The following ETAA1 variants were observed in gnomAD, a reference collection of about 807,000 sequenced individuals.
ETAA1 encodes the protein ewing's tumor-associated antigen 1.
In ETAA1, 49 loss-of-function variants were observed where a neutral mutation model predicts 76.8. The observed-to-expected ratio is 0.64, with a 90% CI of 0.51 to 0.81. The LOEUF is 0.81. Ranked by LOEUF, ETAA1 falls within the 30% of genes least tolerant of loss-of-function variation. The pLI is 0.00. For missense variants in ETAA1, 1,099 were observed against 1,074.0 expected (o/e 1.02, Z -0.32); for synonymous variants, 373 against 372.2 (o/e 1.00, Z -0.03).
At chr2:67,408,340 G>A (rs1676273819) in intron 5 of ETAA1, among the ~76,000 whole-genome samples, 1 of 152,002 alleles carries the variant, frequency 6.6e-6, no homozygotes, top group Non-Finnish European at 1.5e-5. Flanking sequence ...AAAATTAAAA[G>A]GAGAATAATA....
In ETAA1 at chr2:67,403,849, T is replaced by C. The variant is rs1412977004; in HGVS notation, c.1167T>C (p.Ser389=). ...ATGATTGGGAAAACTTACTAGGTAGTGAACCTTTTGCTATGCAAAATATCG... is the reference window on the plus strand; with the variant it reads ...ATGATTGGGAAAACTTACTAGGTAGCGAACCTTTTGCTATGCAAAATATCG... ...FEDDWENLLG[S]EPFAMQNIDM... The change falls in exon 5 of 6, where the codon AGT becomes AGC. Residue 389 remains serine, a synonymous_variant. Coordinates refer to ENST00000272342, the MANE Select transcript of ETAA1 (RefSeq NM_019002.4). 3.1e-6 allele frequency: 5 copies of C among 1,613,134 alleles called. No individual in the cohort carries two copies. Among genetic ancestry groups the C allele is most frequent in the South Asian group, 1.1e-5 (1 of 91,076 alleles).
In ETAA1 at chr2:67,405,340, G is replaced by A; in HGVS notation, c.2653+5G>A. The A allele has an allele frequency of 6.6e-7, 1 of 1,506,506 alleles. No individual in the cohort carries two copies. Among genetic ancestry groups the A allele is most frequent in the South Asian group, 1.4e-5 (1 of 70,792 alleles). 93.3% of individuals were successfully genotyped at this position (1,506,506 alleles called of 1,614,324 possible). On this transcript the variant is annotated splice_donor_5th_base_variant and intron_variant, in intron 5 of 5. Coordinates refer to ENST00000272342, the MANE Select transcript of ETAA1 (RefSeq NM_019002.4). ...CTTTGAAACAATCTTCAAAAGGTATGTATGAAATATGAAATAGTTTTCTTT... is the reference window on the plus strand; with the variant it reads ...CTTTGAAACAATCTTCAAAAGGTATATATGAAATATGAAATAGTTTTCTTT...
At chr2:67,406,210 A>G (rs13030037) in intron 5 of ETAA1, among the ~76,000 whole-genome samples, 10,353 of 152,158 alleles carry the variant, frequency 0.068, 458 homozygotes, top group Middle Eastern at 0.13. Flanking sequence ...ACTAAGCTTC[A>G]GCTATACCAG....
rs756799051 is a variant in ETAA1 at position 67,403,560 on chromosome 2, G to A, written c.878G>A (p.Cys293Tyr). ...NAIFDGSTQK[C>Y]SGQLSQELPE... ...ATTTTTGATGGTTCTACTCAGAAAT[G>A]TAGCGGACAGTTAAGCCAAGAACTG... is the stretch of plus-strand genomic sequence containing the variant. The change falls in exon 5 of 6, where the codon TGT becomes TAT. Residue 293 changes from cysteine (C) to tyrosine (Y), a missense_variant. This residue lies in a region of ETAA1 where 761 missense variants were observed against 731.9 expected (regional missense o/e 1.04). Coordinates refer to ENST00000272342, the MANE Select transcript of ETAA1 (RefSeq NM_019002.4). The A allele has an allele frequency of 2.5e-6, 4 of 1,613,428 alleles. No homozygotes were observed. The South Asian group carries it at 3.3e-5, about 13-fold the overall frequency.
chr2:67,399,771 C>A, intron 3 of ETAA1, 145 bp downstream of exon 3: 1 of 521,028 alleles, frequency 1.9e-6, no homozygotes, highest in Non-Finnish European at 3.4e-6. Context: ...TTTGCCTTTT[C>A]TACTTTTGAA....
In ETAA1 at chr2:67,404,519, G is replaced by C. The variant is rs766318134; in HGVS notation, c.1837G>C (p.Ala613Pro). Residue 613 changes from alanine (A) to proline (P), a missense_variant, in exon 5 of 6, where the codon GCA becomes CCA. Ala to Pro is a conservative substitution (Grantham distance 27). This residue lies in a region of ETAA1 where 761 missense variants were observed against 731.9 expected (regional missense o/e 1.04). Coordinates refer to ENST00000272342, the MANE Select transcript of ETAA1 (RefSeq NM_019002.4). Reference sequence around the variant, plus strand: ...TGTAGATGATGATTTGTTGTACCAAGCATGTGATGATATTGAAAGACTAAC... The same window carrying C: ...TGTAGATGATGATTTGTTGTACCAACCATGTGATGATATTGAAAGACTAAC... ...DDVDDDLLYQACDDIERLTQQ... is the reference protein window; with the variant it reads ...DDVDDDLLYQPCDDIERLTQQ... 1.9e-6 allele frequency: 3 copies of C among 1,613,352 alleles called. No homozygotes were observed. Among genetic ancestry groups the C allele is most frequent in the South Asian group, 2.2e-5 (2 of 91,066 alleles).
chr2:67,403,825 T>G lies in ETAA1; in HGVS notation c.1143T>G (p.Asp381Glu). ...IDAFTTSDFE[D>E]DWENLLGSEP... ...CATTTACTACAAGTGATTTTGAGGATGATTGGGAAAACTTACTAGGTAGTG... is the reference window on the plus strand; with the variant it reads ...CATTTACTACAAGTGATTTTGAGGAGGATTGGGAAAACTTACTAGGTAGTG... The change falls in exon 5 of 6, where the codon GAT becomes GAG. Residue 381 changes from aspartate to glutamate, a missense_variant. Around this residue, in one of 3 missense-constraint regions of ETAA1, gnomAD observed 761 missense variants for 731.9 expected, o/e 1.04. Transcript: ENST00000272342. 2 of 1,613,328 alleles carry G rather than the reference T, an allele frequency of 1.2e-6. No homozygotes were observed. The highest frequency in any genetic ancestry group is 1.7e-6 in the Non-Finnish European group (2 of 1,179,482).
At chr2:67,402,188 A>G (rs1278932187) in intron 3 of ETAA1, 3 of 151,942 alleles carry the variant, frequency 2.0e-5, no homozygotes, top group Non-Finnish European at 4.4e-5. Flanking sequence ...TGAAAGGTAC[A>G]GCAAAAGTAT....
rs778308852 is a variant in ETAA1 at position 67,403,915 on chromosome 2, T to G, written c.1233T>G (p.Thr411=). ...ELFPSKTAHV[T]DQKEICTFNS... ...TTCCTTCTAAAACAGCCCATGTTAC[T>G]GATCAAAAGGAAATTTGTACCTTTA... Residue 411 remains threonine, a synonymous_variant, in exon 5 of 6, where the codon ACT becomes ACG. Coordinates refer to ENST00000272342, the MANE Select transcript of ETAA1 (RefSeq NM_019002.4). 1 of 1,612,312 alleles carries G rather than the reference T, an allele frequency of 6.2e-7. No homozygotes were observed. Among genetic ancestry groups the G allele is most frequent in the Admixed American group, 1.7e-5 (1 of 59,784 alleles).
chr2:67,404,368 T>C lies in ETAA1; in HGVS notation c.1686T>C (p.Val562=). 4 of 1,613,302 alleles carry C rather than the reference T, an allele frequency of 2.5e-6. No homozygotes were observed. Among genetic ancestry groups the C allele is most frequent in the Non-Finnish European group, 3.4e-6 (4 of 1,179,462 alleles). Residue 562 remains valine (V), a synonymous_variant, in exon 5 of 6, where the codon GTT becomes GTC. Transcript: ENST00000272342. ...GSANLGSKTS[V]SNPNQTSASK... ...CAAATCTAGGCAGTAAAACCAGTGT[T>C]AGTAACCCAAATCAGACTAGTGCAT... is the stretch of plus-strand genomic sequence containing the variant.
At chr2:67,409,822 T>C in intron 5 of ETAA1, 89 bp from the exon 6 acceptor site, 1 of 1,197,544 alleles carries the variant, frequency 8.4e-7, no homozygotes, top group Non-Finnish European at 1.2e-6. Flanking sequence ...ATGGCAAATC[T>C]GGGTGATTAA....
At position 67,403,354 on chromosome 2, in the gene ETAA1, A is replaced by C. The variant is rs767863346; in HGVS notation, c.672A>C (p.Glu224Asp). The change falls in exon 5 of 6, where the codon GAA becomes GAC. Residue 224 changes from glutamate to aspartate, a missense_variant. Coordinates refer to ENST00000272342, the MANE Select transcript of ETAA1 (RefSeq NM_019002.4). Reference protein sequence around the residue: ...RNYDFTQMISETEILSNYKDN... With the variant: ...RNYDFTQMISDTEILSNYKDN... Reference sequence around the variant, plus strand: ...ATGATTTTACCCAGATGATTTCAGAAACAGAGATTTTAAGTAATTATAAAG... The same window carrying C: ...ATGATTTTACCCAGATGATTTCAGACACAGAGATTTTAAGTAATTATAAAG... 1 of 1,605,316 alleles carries C rather than the reference A, an allele frequency of 6.2e-7. No homozygotes were observed. The highest frequency in any genetic ancestry group is 8.5e-7 in the Non-Finnish European group (1 of 1,172,930).
intron 3 of ETAA1, chr2:67,401,843 G>A (rs916318315): frequency 6.6e-6 from 1 of 151,820 alleles, no homozygotes; most frequent in Non-Finnish European, 1.5e-5. Flanking sequence ...AAGGCAACTA[G>A]GTTCAAGTTG....
At chr2:67,399,915 C>T (rs200998192) in intron 3 of ETAA1, among the ~76,000 whole-genome samples, 2 of 21,590 alleles carry the variant, frequency 9.3e-5, no homozygotes, top group African/African-American at 2.2e-4. Flanking sequence ...TAACAACATA[C>T]GACATCATTT....
chr2:67,410,489 T>C lies in ETAA1; in HGVS notation c.*451T>C, dbSNP rs984751529. ...CACTTCCAGATTTTAATTAATACTT[T>C]CATATTTCTAGGAACATGGTTGATA... On this transcript the variant is annotated 3_prime_UTR_variant, in exon 6 of 6. Coordinates refer to ENST00000272342, the MANE Select transcript of ETAA1 (RefSeq NM_019002.4). 3.3e-5 allele frequency: 5 copies of C among 152,448 alleles called. No homozygotes were observed. Among genetic ancestry groups the C allele is most frequent in the South Asian group, 4.1e-4 (2 of 4,848 alleles). 9.4% of individuals were successfully genotyped at this position (152,448 alleles called of 1,614,324 possible).
Position 67,399,587 on chromosome 2 carries a change from T to A in ETAA1, c.390T>A (p.Ser130Arg). ...GRKKQIYTTDSDEISHIVNRI... is the reference protein window; with the variant it reads ...GRKKQIYTTDRDEISHIVNRI... The stretch of plus-strand genomic sequence containing the variant: ...AAAAACAGATTTACACCACAGATAG[T>A]GATGAGATTTCACATATTGTTAATC... Residue 130 changes from serine to arginine, a missense_variant, in exon 3 of 6, where the codon AGT becomes AGA. Ser to Arg is a moderately radical substitution (Grantham distance 110). This residue lies in a region of ETAA1 where 761 missense variants were observed against 731.9 expected (regional missense o/e 1.04). Transcript: ENST00000272342. 6.2e-7 allele frequency: 1 copy of A among 1,608,652 alleles called. No individual in the cohort carries two copies. Among genetic ancestry groups the A allele is most frequent in the Non-Finnish European group, 8.5e-7 (1 of 1,176,386 alleles).
intron 2 of ETAA1, 104 bp downstream of exon 2, chr2:67,399,401 T>A: frequency 8.5e-7 from 1 of 1,181,578 alleles, no homozygotes; most frequent in Non-Finnish European, 1.2e-6. Context: ...TCTGAGAATG[T>A]TATATGATTT....
intron 1 of ETAA1, among the ~76,000 whole-genome samples, chr2:67,398,846 A>T (rs1675973515): frequency 1.3e-5 from 2 of 152,230 alleles, no homozygotes; most frequent in South Asian, 4.1e-4. Flanking sequence ...GAATGTACCT[A>T]TAAATTACAG....
At chr2:67,402,003 G>A (rs1676071342) in intron 3 of ETAA1, 3 of 151,760 alleles carry the variant, frequency 2.0e-5, no homozygotes, top group African/African-American at 4.8e-5. Context: ...AAGAGTCCTT[G>A]CCTTTGAGTA....
Sources: allele counts gnomAD v4.1 joint callset (sites outside exome capture counted in the v4.1 genomes callset), GRCh38; gene constraint gnomAD v4.1.1; regional missense constraint gnomAD v4.1.1; transcripts MANE v1.5; gene names NCBI Gene and HGNC (gene_info 2026-07-23, HGNC 2026-07-21).